GRB2: variants seen among roughly 807,000 people sequenced by gnomAD.
GRB2 encodes growth factor receptor-bound protein 2.
In GRB2, 2 loss-of-function variants were observed where a neutral mutation model predicts 27.4. The observed-to-expected ratio is 0.07, with a 90% CI of 0.03 to 0.23. GRB2 has a LOEUF of 0.23. Among genes scored for constraint, GRB2 ranks in the 10% least tolerant of loss-of-function variants. GRB2 has a pLI of 1.00. For synonymous variants in GRB2, 94 were observed against 99.6 expected, an observed-to-expected ratio of 0.94 and a Z score of 0.33; for missense variants, 102 against 282.4, an observed-to-expected ratio of 0.36 and a Z score of 4.58.
intron 2 of GRB2, among the ~76,000 whole-genome samples, chr17:75,357,840 G>C (rs543204278): frequency 2.6e-5 from 4 of 152,346 alleles, no homozygotes; most frequent in Admixed American, 2.6e-4. Context: ...AGAACCGCTT[G>C]AATCTGGGCA....
chr17:75,327,724 T>C (rs1025938999), intron 3 of GRB2, among the ~76,000 whole-genome samples: 6 of 152,126 alleles, frequency 3.9e-5, no homozygotes, highest in Non-Finnish European at 5.9e-5. Flanking sequence ...TAAAATAATA[T>C]ACTATACTCA....
At chr17:75,376,344 CA>C (rs71159502) in intron 2 of GRB2, among the ~76,000 whole-genome samples, 8,240 of 74,232 alleles carry the variant, frequency 0.11, 233 homozygotes, top group Middle Eastern at 0.21. Context: ...GACTCTGTCT[CA>C]AAAAAAAAAA....
At chr17:75,355,324 C>T (rs2078724526) in intron 2 of GRB2, among the ~76,000 whole-genome samples, 1 of 152,074 alleles carries the variant, frequency 6.6e-6, no homozygotes, top group African/African-American at 2.4e-5. Flanking sequence ...TGAAAGCAGA[C>T]TTCTTTTGAC....
Position 75,332,814 on chromosome 17 carries a change from C to A in GRB2, c.79-17G>T, listed in dbSNP as rs147589575. On this transcript the variant is annotated splice_polypyrimidine_tract_variant and intron_variant, in intron 2 of 5. Transcript: ENST00000316804. ...GTTCAAAACCTGAAAAGAAATAAGA[C>A]AACAAAAAAACCCAATCATTTCCTT... 2 of 1,500,004 alleles carry A rather than the reference C, an allele frequency of 1.3e-6. No homozygotes were observed. The highest frequency in any genetic ancestry group is 1.4e-5 in the African/African-American group (1 of 72,046). The allele number at this position is 1,500,004 out of a possible 1,614,324, so 92.9% of individuals were successfully genotyped here.
At chr17:75,353,872 C>T (rs1286011510) in intron 2 of GRB2, among the ~76,000 whole-genome samples, 1 of 151,502 alleles carries the variant, frequency 6.6e-6, no homozygotes, top group Non-Finnish European at 1.5e-5. Flanking sequence ...AACTCCGTCT[C>T]TACTAAAAAT....
At chr17:75,401,198 C>A (rs1299982506) in intron 1 of GRB2, among the ~76,000 whole-genome samples, 2 of 151,986 alleles carry the variant, frequency 1.3e-5, no homozygotes, top group Non-Finnish European at 2.9e-5. Flanking sequence ...GTAATCCCAG[C>A]ACTTTGGGAG....
intron 4 of GRB2, among the ~76,000 whole-genome samples, chr17:75,324,344 A>G (rs1328363875): frequency 6.9e-6 from 1 of 145,966 alleles, no homozygotes; most frequent in East Asian, 2.0e-4. Context: ...GGCACACGCC[A>G]CCACGCCGAG....
chr17:75,358,896 A>AT (rs1200623866), intron 2 of GRB2, among the ~76,000 whole-genome samples: 1,316 of 67,842 alleles, frequency 0.019, 8 homozygotes, highest in Non-Finnish European at 0.045. Flanking sequence ...AAAAAAAAAA[A>AT]AATTATATAT....
At chr17:75,391,807 CA>C (rs60382091) in intron 2 of GRB2, among the ~76,000 whole-genome samples, 103 of 121,812 alleles carry the variant, frequency 8.5e-4, no homozygotes, top group African/African-American at 3.5e-3. Flanking sequence ...GACTCCATCT[CA>C]AAAAAAAAAA....
At chr17:75,403,742 C>T (rs553030658) in intron 1 of GRB2, among the ~76,000 whole-genome samples, 102 of 151,800 alleles carry the variant, frequency 6.7e-4, no homozygotes, top group Non-Finnish European at 1.1e-3. Context: ...CCAGCCTGGG[C>T]GACAGAGCGA....
At chr17:75,382,031 T>C (rs1000320397) in intron 2 of GRB2, among the ~76,000 whole-genome samples, 18 of 152,078 alleles carry the variant, frequency 1.2e-4, no homozygotes, top group African/African-American at 3.9e-4. Flanking sequence ...GAGATCACCC[T>C]GGCCAACATG....
chr17:75,376,826 A>C (rs1369894475), intron 2 of GRB2, among the ~76,000 whole-genome samples: 1 of 150,714 alleles, frequency 6.6e-6, no homozygotes, highest in Non-Finnish European at 1.5e-5. Flanking sequence ...ACATAATGAG[A>C]CTCCATCCCT....
intron 2 of GRB2, among the ~76,000 whole-genome samples, chr17:75,369,590 T>C (rs7216423): frequency 0.66 from 100,022 of 151,314 alleles, 38,013 homozygotes; most frequent in East Asian, 0.91. Flanking sequence ...CGCAGTAGCT[T>C]ACACCTGTAA....
chr17:75,402,441 T>C (rs1329560354), intron 1 of GRB2, among the ~76,000 whole-genome samples: 1 of 152,232 alleles, frequency 6.6e-6, no homozygotes, highest in Non-Finnish European at 1.5e-5. Context: ...TAGTCACTCA[T>C]TCCATTAGGC....
chr17:75,331,282 G>A (rs2078539545), intron 3 of GRB2, among the ~76,000 whole-genome samples: 1 of 152,148 alleles, frequency 6.6e-6, no homozygotes, highest in Non-Finnish European at 1.5e-5. Flanking sequence ...GGCAGAGTCT[G>A]CAAATAACAA....
chr17:75,350,387 G>A (rs2078683013), intron 2 of GRB2, among the ~76,000 whole-genome samples: 1 of 152,206 alleles, frequency 6.6e-6, no homozygotes, highest in Admixed American at 6.5e-5. Context: ...TACAACTTCA[G>A]GTGTAAGTTC....
chr17:75,372,758 C>T (rs188261914), intron 2 of GRB2: 2 of 152,326 alleles, frequency 1.3e-5, no homozygotes. Flanking sequence ...CTAGATGCTA[C>T]AGTACTCAAC....
intron 2 of GRB2, among the ~76,000 whole-genome samples, chr17:75,357,969 G>A (rs1469970729): frequency 1.3e-5 from 2 of 152,124 alleles, no homozygotes; most frequent in East Asian, 1.9e-4. Flanking sequence ...GTGGTGGCGC[G>A]TGCCTGTAGT....
At chr17:75,401,070 C>T (rs1172174937) in intron 1 of GRB2, among the ~76,000 whole-genome samples, 1 of 151,666 alleles carries the variant, frequency 6.6e-6, no homozygotes, top group African/African-American at 2.4e-5. Flanking sequence ...TCAAGCCATT[C>T]TCCTCAAATT....
Sources: allele counts gnomAD v4.1 joint callset (sites outside exome capture counted in the v4.1 genomes callset), GRCh38; gene constraint gnomAD v4.1.1; transcripts MANE v1.5; gene names NCBI Gene and HGNC (gene_info 2026-07-23, HGNC 2026-07-21).